Variants in FILIP1 observed in about 807,000 individuals in gnomAD.
FILIP1 encodes the protein filamin-A-interacting protein 1.
FILIP1 carries 61 observed loss-of-function variants against 102.1 expected under a neutral mutation model. That is an observed-to-expected ratio of 0.60 (90% CI 0.49 to 0.74). The LOEUF (loss-of-function observed/expected upper bound fraction) is 0.74, where lower values mean the gene tolerates loss of function less well. Among genes scored for constraint, FILIP1 ranks in the 30% least tolerant of loss-of-function variants. The pLI is 0.00. For missense variants in FILIP1, 1,314 were observed against 1,441.2 expected, an observed-to-expected ratio of 0.91 and a Z score of 1.43; for synonymous variants, 491 against 526.9, an observed-to-expected ratio of 0.93 and a Z score of 0.93.
At chr6:75,295,752 C>G (rs746755598) in exon 7 of FILIP1, 2 of 428,642 alleles carry the variant, frequency 4.7e-6, no homozygotes, top group African/African-American at 4.1e-5. Flanking sequence ...CCATTTTCAG[C>G]TTTTTACATT....
At chr6:75,311,865 G>A (rs938330001) in intron 5 of FILIP1, among the ~76,000 whole-genome samples, 2 of 152,130 alleles carry the variant, frequency 1.3e-5, no homozygotes, top group African/African-American at 4.8e-5. Context: ...ATAAAATACA[G>A]TTTTTATACA....
intron 1 of FILIP1, among the ~76,000 whole-genome samples, chr6:75,427,750 C>A (rs930691535): frequency 1.3e-5 from 2 of 152,156 alleles, no homozygotes; most frequent in Non-Finnish European, 2.9e-5. Context: ...TTTGAAGAGG[C>A]CTCTCTATCC....
At chr6:75,325,439 A>AAAAC (rs1160274860) in intron 4 of FILIP1, among the ~76,000 whole-genome samples, 16 of 152,176 alleles carry the variant, frequency 1.1e-4, no homozygotes, top group African/African-American at 3.6e-4. Flanking sequence ...AAAACAAAAC[A>AAAAC]AAACAGCAGA....
At chr6:75,349,532 T>G (rs1403636670) in intron 4 of FILIP1, among the ~76,000 whole-genome samples, 2 of 152,198 alleles carry the variant, frequency 1.3e-5, no homozygotes, top group Non-Finnish European at 2.9e-5. Flanking sequence ...GGGAAGCATT[T>G]CCGAAGCAAA....
At chr6:75,361,237 G>A (rs905051338) in intron 3 of FILIP1, among the ~76,000 whole-genome samples, 3 of 152,110 alleles carry the variant, frequency 2.0e-5, no homozygotes, top group African/African-American at 7.2e-5. Context: ...ATTTAGGTCA[G>A]GCCTACTTTC....
intron 4 of FILIP1, among the ~76,000 whole-genome samples, chr6:75,321,028 T>C (rs1306237148): frequency 6.6e-6 from 1 of 152,126 alleles, no homozygotes; most frequent in African/African-American, 2.4e-5. Context: ...TTAGTTCTTC[T>C]TCCTCCTCCT....
At chr6:75,460,098 A>G (rs1426800034) in intron 1 of FILIP1, among the ~76,000 whole-genome samples, 1 of 152,128 alleles carries the variant, frequency 6.6e-6, no homozygotes, top group African/African-American at 2.4e-5. Flanking sequence ...CTAAAAGACA[A>G]CAAAAAATCT....
chr6:75,352,521 T>G (rs192229125), intron 4 of FILIP1, among the ~76,000 whole-genome samples: 2 of 152,276 alleles, frequency 1.3e-5, no homozygotes, highest in Admixed American at 1.3e-4. Flanking sequence ...GAAGACTAAA[T>G]GAAAACCTAC....
chr6:75,375,877 GAACA>G (rs1453024434), intron 2 of FILIP1, among the ~76,000 whole-genome samples: 1 of 152,020 alleles, frequency 6.6e-6, no homozygotes, highest in Admixed American at 6.6e-5. Flanking sequence ...TGAATTTTTT[GAACA>G]AAAATGCAAG....
intron 1 of FILIP1, chr6:75,453,860 T>C: frequency 2.3e-6 from 1 of 431,498 alleles, no homozygotes; most frequent in South Asian, 1.7e-5. Context: ...GCCTGGTACT[T>C]GGGGCCATGT....
At position 75,431,310 on chromosome 6, in the gene FILIP1, G is replaced by A. The variant is rs149648394; in HGVS notation, c.-6-16332C>T. ...ATAAACAGTAAAGTCTGTTTCTCAT[G>A]TAGGCATGAGAAAAAATATTTTCCC... On this transcript the variant is annotated intron_variant, in intron 1 of 5. Coordinates refer to ENST00000237172, the MANE Select transcript of FILIP1 (RefSeq NM_015687.5). 4.2e-3 allele frequency among the ~76,000 whole-genome samples: 643 copies of A among 152,248 alleles called. 3 individuals are homozygous for A. The highest frequency in any genetic ancestry group is 0.027 in the Middle Eastern group (8 of 292).
At chr6:75,421,539 C>T (rs1191448304) in intron 1 of FILIP1, among the ~76,000 whole-genome samples, 1 of 152,084 alleles carries the variant, frequency 6.6e-6, no homozygotes, top group Non-Finnish European at 1.5e-5. Flanking sequence ...GTACTATATC[C>T]TTGTCACTGA....
At chr6:75,317,328 C>G (rs1311352772) in intron 4 of FILIP1, among the ~76,000 whole-genome samples, 1 of 152,100 alleles carries the variant, frequency 6.6e-6, no homozygotes, top group Non-Finnish European at 1.5e-5. Flanking sequence ...ACAAGCTTAG[C>G]GTTCCAATAA....
chr6:75,315,385 G>T (rs1174856763), intron 4 of FILIP1, among the ~76,000 whole-genome samples, 183 bp from the exon 5 acceptor site: 2 of 152,196 alleles, frequency 1.3e-5, no homozygotes, highest in South Asian at 2.1e-4. Flanking sequence ...ACCCTTAGGG[G>T]TAGTGGCTAG....
chr6:75,319,273 T>C, intron 4 of FILIP1: 2 of 675,136 alleles, frequency 3.0e-6, no homozygotes, highest in South Asian at 1.4e-5. Context: ...ATTTCACACC[T>C]GTCCCAGTTT....
rs775441968 is a variant in FILIP1, at chr6:75,314,858, T to C, written c.974A>G (p.Glu325Gly). The change falls in exon 5 of 6, where the codon GAG becomes GGG. Residue 325 changes from glutamate to glycine, a missense_variant. This residue lies in a region of FILIP1 where 494 missense variants were observed against 511.2 expected (regional missense o/e 0.97). Transcript: ENST00000237172. Reference sequence around the variant, plus strand: ...GAGTCTAAGTTGCCTATTGTGAGACTCTTGATTAGCCAGTTTAGCGTTCAT... The same window carrying C: ...GAGTCTAAGTTGCCTATTGTGAGACCCTTGATTAGCCAGTTTAGCGTTCAT... The part of the protein sequence containing the change: ...EEMNAKLANQ[E>G]SHNRQLRLKL... The C allele has an allele frequency of 6.2e-7, 1 of 1,614,110 alleles. No homozygotes were observed. The highest frequency in any genetic ancestry group is 8.5e-7 in the Non-Finnish European group (1 of 1,180,020).
intron 2 of FILIP1, among the ~76,000 whole-genome samples, chr6:75,383,484 A>G (rs1254866121): frequency 6.6e-6 from 1 of 152,196 alleles, no homozygotes; most frequent in African/African-American, 2.4e-5. Context: ...TTATGACACA[A>G]AAATGTTTGT....
At chr6:75,458,620 G>A (rs572132844) in intron 1 of FILIP1, 3 of 152,228 alleles carry the variant, frequency 2.0e-5, no homozygotes, top group African/African-American at 7.2e-5. Flanking sequence ...GGTGGTCTCC[G>A]GCTGGGAGGA....
In FILIP1 at chr6:75,362,819, C is replaced by G. The variant is rs200327242; in HGVS notation, c.375G>C (p.Arg125=). Residue 125 remains arginine, a synonymous_variant, in exon 3 of 6, where the codon CGG becomes CGC. Transcript: ENST00000237172. ...YGSAEPEKVL[R]VLHRDAILAQ... The stretch of plus-strand genomic sequence containing the variant: ...CAAGAATGGCATCTCGGTGCAGGAC[C>G]CGCAGCACTTTCTCTGGCTCCGCAG... 17 of 1,613,690 alleles carry G rather than the reference C, an allele frequency of 1.1e-5. No homozygotes were observed. Among genetic ancestry groups the G allele is most frequent in the Middle Eastern group, 1.6e-4 (1 of 6,082 alleles).
Sources: gnomAD v4.1 joint callset for allele counts (sites outside exome capture counted in the v4.1 genomes callset) on GRCh38, gnomAD v4.1.1 for gene constraint, gnomAD v4.1.1 regional missense constraint, MANE v1.5 for transcripts, NCBI Gene and HGNC (gene_info 2026-07-23, HGNC 2026-07-21) for gene names.